NHEJ1: variants seen among roughly 807,000 people sequenced by gnomAD.
NHEJ1 encodes the protein non-homologous end-joining factor 1.
NHEJ1 carries 22 observed loss-of-function variants against 39.4 expected under a neutral mutation model. The observed-to-expected ratio is 0.56, with a 90% CI of 0.40 to 0.80. NHEJ1 has a LOEUF of 0.80. Among genes scored for constraint, NHEJ1 ranks in the 30% least tolerant of loss-of-function variants. The pLI is 0.00. For synonymous variants in NHEJ1, 154 were observed against 135.6 expected (o/e 1.14, Z -0.94); for missense variants, 329 against 357.1 (o/e 0.92, Z 0.63).
chr2:219,109,027 T>C (rs1169237944), intron 5 of NHEJ1, among the ~76,000 whole-genome samples: 2 of 152,242 alleles, frequency 1.3e-5, no homozygotes, highest in African/African-American at 2.4e-5. Context: ...GGACTAGAGA[T>C]GAAAGAAGAG....
intron 4 of NHEJ1, among the ~76,000 whole-genome samples, chr2:219,147,211 G>A (rs1382120421): frequency 6.6e-6 from 1 of 152,226 alleles, no homozygotes; most frequent in Non-Finnish European, 1.5e-5. Context: ...CAGGCACGGT[G>A]GCTCACGCCT....
chr2:219,090,145 G>A (rs1324749833), intron 5 of NHEJ1, among the ~76,000 whole-genome samples: 1 of 152,186 alleles, frequency 6.6e-6, no homozygotes, highest in African/African-American at 2.4e-5. Flanking sequence ...ATGAGACAAC[G>A]TAGGTAACAT....
At chr2:219,087,150 C>G in intron 5 of NHEJ1, among the ~76,000 whole-genome samples, 1 of 152,186 alleles carries the variant, frequency 6.6e-6, no homozygotes, top group Non-Finnish European at 1.5e-5. Context: ...CTCCGACCAG[C>G]CTAGCAGGGG....
chr2:219,079,913 C>T (rs1949047378), intron 5 of NHEJ1, among the ~76,000 whole-genome samples: 1 of 152,200 alleles, frequency 6.6e-6, no homozygotes, highest in African/African-American at 2.4e-5. Context: ...GTCACTCATA[C>T]ATGACTTGGT....
chr2:219,092,517 G>A (rs767514183), intron 5 of NHEJ1, among the ~76,000 whole-genome samples: 2 of 152,172 alleles, frequency 1.3e-5, no homozygotes, highest in Non-Finnish European at 2.9e-5. Context: ...GAAAGTATCT[G>A]TGATTTCTAC....
intron 5 of NHEJ1, among the ~76,000 whole-genome samples, chr2:219,124,280 A>G (rs1468965596): frequency 6.6e-6 from 1 of 152,250 alleles, no homozygotes; most frequent in African/African-American, 2.4e-5. Context: ...AAGGCTGGGA[A>G]GCAGAGGAAA....
intron 5 of NHEJ1, among the ~76,000 whole-genome samples, chr2:219,108,736 C>T (rs1949336174): frequency 6.6e-6 from 1 of 152,006 alleles, no homozygotes; most frequent in African/African-American, 2.4e-5. Context: ...TACTGTTTTC[C>T]CCCTAGAGAT....
chr2:219,154,915 AT>A (rs1046376898), intron 3 of NHEJ1, among the ~76,000 whole-genome samples: 5 of 147,224 alleles, frequency 3.4e-5, no homozygotes, highest in African/African-American at 1.2e-4. Flanking sequence ...TACATATTAT[AT>A]TAATATAGAT....
chr2:219,086,014 G>A (rs975926346), intron 5 of NHEJ1, among the ~76,000 whole-genome samples: 1 of 152,146 alleles, frequency 6.6e-6, no homozygotes, highest in Admixed American at 6.5e-5. Flanking sequence ...GGTCAGAAGA[G>A]GAGGGAGATG....
chr2:219,103,490 G>A (rs1453117812), intron 5 of NHEJ1, among the ~76,000 whole-genome samples: 2 of 152,078 alleles, frequency 1.3e-5, no homozygotes, highest in African/African-American at 4.8e-5. Context: ...TGGCCAGGAT[G>A]GTCTCCATCT....
intron 6 of NHEJ1, 104 bp from the exon 7 acceptor site, chr2:219,077,468 A>G (rs1310944132): frequency 1.1e-6 from 1 of 921,074 alleles, no homozygotes; most frequent in Non-Finnish European, 1.8e-6. Flanking sequence ...GGTTTGGTAC[A>G]AATATATAAG....
At chr2:219,126,673 G>GA (rs1949526319) in intron 5 of NHEJ1, among the ~76,000 whole-genome samples, 1 of 152,154 alleles carries the variant, frequency 6.6e-6, no homozygotes, top group African/African-American at 2.4e-5. Context: ...GGAGGAGCCA[G>GA]AAAAACCAGT....
chr2:219,153,706 GAGA>G (rs1559204183), intron 3 of NHEJ1, among the ~76,000 whole-genome samples: 12 of 52,158 alleles, frequency 2.3e-4, no homozygotes, highest in South Asian at 1.6e-3. Flanking sequence ...GGGGGGGGTG[GAGA>G]GAGAGAGAGA....
chr2:219,072,367 T>C lies in NHEJ1; in HGVS notation c.*4014A>G, dbSNP rs1948970065. 6.6e-6 allele frequency among the ~76,000 whole-genome samples: 1 copy of C among 152,210 alleles called. No homozygotes were observed. Among genetic ancestry groups the C allele is most frequent in the African/African-American group, 2.4e-5 (1 of 41,450 alleles). Reference sequence around the variant, plus strand: ...ATTACAATTTTGCTAGCCCATACATTTATGGATATTAGTAACAGAGACGAG... The same window carrying C: ...ATTACAATTTTGCTAGCCCATACATCTATGGATATTAGTAACAGAGACGAG... On this transcript the variant is annotated 3_prime_UTR_variant, in exon 8 of 8. Coordinates refer to ENST00000356853, the MANE Select transcript of NHEJ1 (RefSeq NM_024782.3).
rs183585936 is a variant in NHEJ1 at position 219,081,737 on chromosome 2, G to T, written c.589-3531C>A. On this transcript the variant is annotated intron_variant, in intron 5 of 7. Coordinates refer to ENST00000356853, the MANE Select transcript of NHEJ1 (RefSeq NM_024782.3). ...GCTCTAACAGAATTCTCAACAAAGG[G>T]TAATAGGGAACCAGAGAAGAAGAAA... Among the ~76,000 whole-genome samples the T allele has an allele frequency of 2.3e-4, 35 of 152,320 alleles. 1 individual carries two copies. Among genetic ancestry groups the T allele is most frequent in the Non-Finnish European group, 4.7e-4 (32 of 68,028 alleles).
intron 4 of NHEJ1, 57 bp from the exon 5 acceptor site, chr2:219,146,795 C>T: frequency 7.4e-7 from 1 of 1,346,408 alleles, no homozygotes; most frequent in Middle Eastern, 1.8e-4. Flanking sequence ...GAGTTTCTTA[C>T]CTGATGGAAA....
intron 5 of NHEJ1, among the ~76,000 whole-genome samples, chr2:219,124,218 G>A (rs1345985983): frequency 3.9e-5 from 6 of 152,128 alleles, no homozygotes; most frequent in Admixed American, 3.3e-4. Context: ...GGAGGAGTAG[G>A]GAAGAGGAAT....
chr2:219,143,786 G>A (rs1949711464), intron 5 of NHEJ1, among the ~76,000 whole-genome samples: 1 of 152,000 alleles, frequency 6.6e-6, no homozygotes, highest in Admixed American at 6.6e-5. Context: ...AATTCCGCAG[G>A]GCTCCTCCCA....
chr2:219,149,400 G>A (rs1443133053), intron 3 of NHEJ1, among the ~76,000 whole-genome samples: 1 of 152,146 alleles, frequency 6.6e-6, no homozygotes, highest in Non-Finnish European at 1.5e-5. Flanking sequence ...AGGATTGCTT[G>A]AGTCCAAGAG....
Sources: gnomAD v4.1 joint callset for allele counts (sites outside exome capture counted in the v4.1 genomes callset) on GRCh38, gnomAD v4.1.1 for gene constraint, MANE v1.5 for transcripts, NCBI Gene and HGNC (gene_info 2026-07-23, HGNC 2026-07-21) for gene names.